Variants in C12orf42 observed in about 807,000 individuals in gnomAD.
C12orf42 encodes uncharacterized protein C12orf42.
A neutral mutation model predicts 21.6 loss-of-function variants in C12orf42; 25 were observed. The observed-to-expected ratio is 1.16, with a 90% CI of 0.84 to 1.62. The LOEUF is 1.62. C12orf42 is among the 40% of genes most tolerant of loss of function. The pLI is 0.00. For missense variants in C12orf42, 483 were observed against 459.3 expected (o/e 1.05, Z -0.47); for synonymous variants, 174 against 175.0 (o/e 0.99, Z 0.05).
chr12:103,425,049 C>G (rs1456065910), intron 2 of C12orf42, among the ~76,000 whole-genome samples: 6 of 152,194 alleles, frequency 3.9e-5, no homozygotes, highest in Non-Finnish European at 8.8e-5. Flanking sequence ...TTTCCCCTCA[C>G]AGTGTAAACA....
the C12orf42 span, among the ~76,000 whole-genome samples, chr12:103,116,381 A>ATATATATATATAT: frequency 7.3e-6 from 1 of 136,712 alleles, no homozygotes; most frequent in African/African-American, 2.7e-5. Flanking sequence ...AAAAAAAAAA[A>ATATATATATATAT]ATATATATAT....
At chr12:103,168,607 T>C in the C12orf42 span, among the ~76,000 whole-genome samples, 1 of 152,188 alleles carries the variant, frequency 6.6e-6, no homozygotes, top group Non-Finnish European at 1.5e-5. Context: ...GCTTACTAGG[T>C]ATCAGACACC....
At position 103,354,938 on chromosome 12, in the gene C12orf42, A is replaced by G. The variant is rs373853488; in HGVS notation, c.259+13949T>C. 1.8e-4 allele frequency among the ~76,000 whole-genome samples: 27 copies of G among 152,256 alleles called. No individual in the cohort carries two copies. The East Asian group carries it at 4.1e-3, about 23-fold the overall frequency. On this transcript the variant is annotated intron_variant, in intron 4 of 5. Coordinates refer to ENST00000548883, the MANE Select transcript of C12orf42 (RefSeq NM_198521.5). The stretch of plus-strand genomic sequence containing the variant: ...AATGTTCTCACCAAAGAAATGATAC[A>G]TGTTTGAGTGATGGATAAGCTAATT...
rs80251140 is a variant in C12orf42, at chr12:103,407,905, G to A, written c.79-6230C>T. ...GAGTTTTGAAAAATAAGATCAGACA[G>A]TAAAGGCTGAGACTGGACCAAGGGA... On this transcript the variant is annotated intron_variant, in intron 2 of 5. Coordinates refer to ENST00000548883, the MANE Select transcript of C12orf42 (RefSeq NM_198521.5). 5.5e-3 allele frequency among the ~76,000 whole-genome samples: 839 copies of A among 152,312 alleles called. 9 individuals carry two copies. The highest frequency in any genetic ancestry group is 0.019 in the African/African-American group (792 of 41,566).
chr12:103,302,139 G>C lies in C12orf42; in HGVS notation c.1052C>G (p.Ser351Cys), dbSNP rs1133634. The C allele has an allele frequency of 6.2e-7, 1 of 1,603,842 alleles. No individual in the cohort carries two copies. The highest frequency in any genetic ancestry group is 1.3e-5 in the African/African-American group (1 of 74,596). Residue 351 changes from serine (S) to cysteine (C), a missense_variant, in exon 6 of 6, where the codon TCT becomes TGT. Physicochemically the swap from Ser to Cys is moderately radical, Grantham distance 112. Coordinates refer to ENST00000548883, the MANE Select transcript of C12orf42 (RefSeq NM_198521.5). Reference sequence around the variant, plus strand: ...TAAGTGAGCATTCACCACCGGCCTAGAAAGGGCCTGTGAACAAACCGTATG... The same window carrying C: ...TAAGTGAGCATTCACCACCGGCCTACAAAGGGCCTGTGAACAAACCGTATG... ...RFHTVCSQAL[S>C]RPVVNAHLH
Position 103,449,081 on chromosome 12 carries a change from TGATAGATAGATA to T in C12orf42, c.78+29256_78+29267del, listed in dbSNP as rs56702467. On this transcript the variant is annotated intron_variant, in intron 2 of 5. Coordinates refer to ENST00000548883, the MANE Select transcript of C12orf42 (RefSeq NM_198521.5). ...AATCAATGAGTGGATAAAGAAAATA[TGATAGATAGATA>T]GATAGATAGATAGATAGATAGATAG... Among the ~76,000 whole-genome samples the T allele has an allele frequency of 1.5e-3, 225 of 146,604 alleles. 2 individuals carry two copies. Among genetic ancestry groups the T allele is most frequent in the Admixed American group, 3.8e-3 (56 of 14,672 alleles).
the C12orf42 span, among the ~76,000 whole-genome samples, chr12:103,168,831 T>TA: frequency 1.3e-5 from 2 of 152,126 alleles, no homozygotes; most frequent in South Asian, 2.1e-4. Context: ...TATGCAGCCA[T>TA]AAAAAAGAAT....
chr12:103,309,835 C>G (rs2038786370), intron 4 of C12orf42, among the ~76,000 whole-genome samples: 1 of 152,224 alleles, frequency 6.6e-6, no homozygotes, highest in Admixed American at 6.5e-5. Context: ...GCCAGGTGCC[C>G]AGACACAGCC....
At chr12:103,276,227 A>G (rs2035764668) in intron 5 of C12orf42, among the ~76,000 whole-genome samples, 1 of 152,216 alleles carries the variant, frequency 6.6e-6, no homozygotes, top group South Asian at 2.1e-4. Flanking sequence ...TAGTTCTGTA[A>G]CATGTTAATA....
At chr12:103,245,606 T>C (rs562262792) in intron 10 of C12orf42, among the ~76,000 whole-genome samples, 5 of 152,198 alleles carry the variant, frequency 3.3e-5, no homozygotes, top group African/African-American at 1.2e-4. Context: ...GATTATTATT[T>C]CTCAGAACAC....
At chr12:103,295,854 A>G (rs188720667) in intron 4 of C12orf42, among the ~76,000 whole-genome samples, 3 of 151,974 alleles carry the variant, frequency 2.0e-5, no homozygotes, top group Admixed American at 6.6e-5. Flanking sequence ...ATGTAATCCC[A>G]ATTTTTTTAA....
chr12:103,507,204 T>TA, the C12orf42 span, among the ~76,000 whole-genome samples: 1 of 35,406 alleles, frequency 2.8e-5, no homozygotes, highest in South Asian at 1.4e-3. Context: ...TATATTTATA[T>TA]TATATATATA....
At chr12:103,418,069 C>T (rs2049523821) in intron 2 of C12orf42, among the ~76,000 whole-genome samples, 2 of 152,174 alleles carry the variant, frequency 1.3e-5, no homozygotes, top group South Asian at 4.1e-4. Flanking sequence ...AGAATAACTT[C>T]TTATTTCTAC....
the C12orf42 span, among the ~76,000 whole-genome samples, chr12:103,180,574 CA>C: frequency 6.7e-6 from 1 of 148,222 alleles, no homozygotes; most frequent in African/African-American, 2.5e-5. Context: ...TTGAGAATTC[CA>C]TATGAGTAGA....
chr12:103,454,307 G>A (rs985467581), intron 2 of C12orf42, among the ~76,000 whole-genome samples: 4 of 151,960 alleles, frequency 2.6e-5, no homozygotes, highest in Non-Finnish European at 4.4e-5. Context: ...AGTTTCAACA[G>A]GACTTGAAAA....
chr12:103,336,549 A>G (rs968216762), intron 4 of C12orf42, among the ~76,000 whole-genome samples: 1 of 152,226 alleles, frequency 6.6e-6, no homozygotes, highest in Admixed American at 6.5e-5. Flanking sequence ...AGTTGGCCTG[A>G]CACATAGTAG....
chr12:103,385,002 C>T (rs1405975135), intron 3 of C12orf42, among the ~76,000 whole-genome samples: 2 of 152,144 alleles, frequency 1.3e-5, no homozygotes, highest in African/African-American at 4.8e-5. Context: ...TACATCTTTA[C>T]TAAGTACCAA....
intron 1 of C12orf42, among the ~76,000 whole-genome samples, chr12:103,480,997 T>C (rs1240876690): frequency 6.6e-6 from 1 of 151,728 alleles, no homozygotes; most frequent in Non-Finnish European, 1.5e-5. Flanking sequence ...CCCACTAATG[T>C]ATTGGGTCTT....
the C12orf42 span, among the ~76,000 whole-genome samples, chr12:103,099,825 T>C: frequency 3.9e-5 from 6 of 152,242 alleles, no homozygotes; most frequent in African/African-American, 1.4e-4. Context: ...TGACGTTTTA[T>C]AGACAACTTT....
Sources: gnomAD v4.1 joint callset for allele counts (sites outside exome capture counted in the v4.1 genomes callset) on GRCh38, gnomAD v4.1.1 for gene constraint, MANE v1.5 for transcripts, NCBI Gene and HGNC (gene_info 2026-07-23, HGNC 2026-07-21) for gene names.